Variants in CFAP299 observed in about 807,000 individuals in gnomAD.
The protein encoded by CFAP299 is cilia and flagella associated protein 299.
In CFAP299, 21 loss-of-function variants were observed where a neutral mutation model predicts 27.0. The observed-to-expected ratio is 0.78, with a 90% CI of 0.55 to 1.12. The LOEUF (loss-of-function observed/expected upper bound fraction) is 1.12. CFAP299 is among the 50% of genes most tolerant of loss of function. CFAP299 has a pLI of 0.00. For missense variants in CFAP299, 310 were observed against 276.6 expected (o/e 1.12, Z -0.86); for synonymous variants, 104 against 98.1 (o/e 1.06, Z -0.36).
At chr4:80,591,975 A>G (rs916146648) in intron 3 of CFAP299, among the ~76,000 whole-genome samples, 1 of 152,204 alleles carries the variant, frequency 6.6e-6, no homozygotes, top group African/African-American at 2.4e-5. Flanking sequence ...TCCAGAAGAA[A>G]CTTTCAAAAA....
intron 2 of CFAP299, among the ~76,000 whole-genome samples, chr4:80,551,556 A>G (rs1014209380): frequency 2.6e-5 from 4 of 152,150 alleles, no homozygotes; most frequent in Non-Finnish European, 4.4e-5. Flanking sequence ...CCAGATATCA[A>G]CTAAGTCTAC....
chr4:80,437,955 C>G (rs1159129619), intron 2 of CFAP299, among the ~76,000 whole-genome samples: 1 of 152,004 alleles, frequency 6.6e-6, no homozygotes, highest in African/African-American at 2.4e-5. Flanking sequence ...TCTTTTCTTA[C>G]TCATAAAATA....
chr4:80,388,081 A>G, intron 2 of CFAP299: 2 of 694,004 alleles, frequency 2.9e-6, no homozygotes. Context: ...GGAGTGCAGC[A>G]GCACTGTACA....
intron 3 of CFAP299, among the ~76,000 whole-genome samples, chr4:80,806,024 T>A: frequency 6.6e-6 from 1 of 152,222 alleles, no homozygotes; most frequent in South Asian, 2.1e-4. Flanking sequence ...GACTTAGCTA[T>A]AAGAAAGATA....
chr4:80,606,582 T>C (rs1218574156), intron 3 of CFAP299, among the ~76,000 whole-genome samples: 2 of 152,150 alleles, frequency 1.3e-5, no homozygotes, highest in Admixed American at 6.5e-5. Context: ...GGTATATAGA[T>C]ACAAAGAGAT....
chr4:80,860,853 T>C (rs1338280885), intron 3 of CFAP299, among the ~76,000 whole-genome samples: 1 of 152,074 alleles, frequency 6.6e-6, no homozygotes, highest in Non-Finnish European at 1.5e-5. Flanking sequence ...TGCTCAGGGG[T>C]CAGGGGTCAG....
chr4:80,854,541 C>A (rs1283730137), intron 3 of CFAP299, among the ~76,000 whole-genome samples: 1 of 151,656 alleles, frequency 6.6e-6, no homozygotes, highest in Non-Finnish European at 1.5e-5. Context: ...GCATGGATAT[C>A]CCAGCCATTA....
At chr4:80,878,869 A>G (rs1242329586) in intron 4 of CFAP299, among the ~76,000 whole-genome samples, 3 of 152,126 alleles carry the variant, frequency 2.0e-5, no homozygotes, top group Non-Finnish European at 4.4e-5. Context: ...ATTTTCCTTG[A>G]GATATTGTCT....
chr4:80,581,214 A>C (rs1464079545), intron 2 of CFAP299, among the ~76,000 whole-genome samples: 1 of 151,728 alleles, frequency 6.6e-6, no homozygotes. Context: ...TGTGAGCAGT[A>C]GAAAATATGT....
chr4:80,496,342 C>T (rs1731438248), intron 2 of CFAP299, among the ~76,000 whole-genome samples: 1 of 152,134 alleles, frequency 6.6e-6, no homozygotes, highest in Admixed American at 6.6e-5. Context: ...TACCAGATAC[C>T]CTAGGTCATT....
intron 3 of CFAP299, among the ~76,000 whole-genome samples, chr4:80,668,399 A>G (rs1390370425): frequency 2.0e-5 from 3 of 152,100 alleles, no homozygotes; most frequent in Non-Finnish European, 4.4e-5. Flanking sequence ...ATCCTGGAGC[A>G]TTTCCCCAAA....
In CFAP299 at chr4:80,944,693, A is replaced by G. The variant is rs1009747017; in HGVS notation, c.477-117A>G. 7.2e-6 allele frequency: 5 copies of G among 695,144 alleles called. No homozygotes were observed. In the African/African-American group the frequency reaches 7.3e-5, roughly 10 times the overall value. The allele number at this position is 695,144 out of a possible 1,614,324, so 43.1% of individuals were successfully genotyped here. ...TCTCAAATGTGTTCTACATGGTTGT[A>G]TGGCATGTTTGTATCCACTTATCTT... On this transcript the variant is annotated intron_variant, in intron 4 of 5. Coordinates refer to ENST00000358105, the MANE Select transcript of CFAP299 (RefSeq NM_152770.3).
rs556779811 is a variant in CFAP299, at chr4:80,553,632, T to A, written c.243-29461T>A. Among the ~76,000 whole-genome samples, 5 of 152,294 alleles carry A rather than the reference T, an allele frequency of 3.3e-5. No individual in the cohort carries two copies. The South Asian group carries it at 1.0e-3, about 32-fold the overall frequency. On this transcript the variant is annotated intron_variant, in intron 2 of 5. Transcript: ENST00000358105. Reference sequence around the variant, plus strand: ...AATTTGCACTGCCACCAACAGTGTGTAACTGTTCTTTTTTGCCTTGCCAGC... The same window carrying A: ...AATTTGCACTGCCACCAACAGTGTGAAACTGTTCTTTTTTGCCTTGCCAGC...
At chr4:80,839,931 A>G (rs1730771263) in intron 3 of CFAP299, among the ~76,000 whole-genome samples, 1 of 152,086 alleles carries the variant, frequency 6.6e-6, no homozygotes, top group Non-Finnish European at 1.5e-5. Context: ...CTGAAGCCTA[A>G]TATGTCTTAA....
intron 5 of CFAP299, among the ~76,000 whole-genome samples, chr4:80,957,611 G>A (rs966572975): frequency 3.3e-5 from 5 of 152,130 alleles, no homozygotes; most frequent in Admixed American, 3.3e-4. Flanking sequence ...ATGCAAAAAT[G>A]CATTGTATTC....
At chr4:80,488,665 A>G (rs1011499683) in intron 2 of CFAP299, among the ~76,000 whole-genome samples, 3 of 152,024 alleles carry the variant, frequency 2.0e-5, no homozygotes, top group African/African-American at 7.3e-5. Flanking sequence ...CTTAATAGAG[A>G]CGGGGTTTCA....
At chr4:80,399,251 A>T (rs2110046982) in intron 2 of CFAP299, among the ~76,000 whole-genome samples, 1 of 152,346 alleles carries the variant, frequency 6.6e-6, no homozygotes, top group East Asian at 1.9e-4. Flanking sequence ...TGGGACTGCA[A>T]ACTAGTTCAA....
intron 3 of CFAP299, among the ~76,000 whole-genome samples, chr4:80,726,209 A>C (rs1381182720): frequency 6.6e-6 from 1 of 152,028 alleles, no homozygotes; most frequent in African/African-American, 2.4e-5. Context: ...GTAAAGGTAA[A>C]TGAGTGTGTT....
At chr4:80,549,173 A>G (rs550630983) in intron 2 of CFAP299, among the ~76,000 whole-genome samples, 9 of 148,170 alleles carry the variant, frequency 6.1e-5, no homozygotes, top group African/African-American at 2.3e-4. Context: ...CAAGAAAGTA[A>G]CACACACACA....
Sources: gnomAD v4.1 joint callset for allele counts (sites outside exome capture counted in the v4.1 genomes callset) on GRCh38, gnomAD v4.1.1 for gene constraint, MANE v1.5 for transcripts, NCBI Gene and HGNC (gene_info 2026-07-23, HGNC 2026-07-21) for gene names.